The following NID2 variants were observed in gnomAD, a reference collection of about 807,000 sequenced individuals.
NID2 encodes nidogen 2.
A neutral mutation model predicts 145.4 loss-of-function variants in NID2; 83 were observed. That is an observed-to-expected ratio of 0.57 (90% confidence interval 0.48 to 0.69). NID2 has a LOEUF of 0.69. Among genes scored for constraint, NID2 ranks in the 30% least tolerant of loss-of-function variants. NID2 has a pLI of 0.00. For synonymous variants in NID2, 739 were observed against 701.3 expected (o/e 1.05, Z -0.85); for missense variants, 1,807 against 1,765.7 (o/e 1.02, Z -0.42).
intron 18 of NID2, chr14:52,008,576 A>G (rs1414404687): frequency 6.6e-6 from 1 of 152,198 alleles, no homozygotes; most frequent in Non-Finnish European, 1.5e-5. Context: ...CTGTATCACA[A>G]GGTTTTCTGA....
chr14:52,030,503 GAAAGAAAGAAAGA>G (rs1891774223), intron 9 of NID2, among the ~76,000 whole-genome samples: 2 of 57,760 alleles, frequency 3.5e-5, no homozygotes, highest in African/African-American at 1.3e-4. Context: ...GAAAGAAAGA[GAAAGAAAGAAAGA>G]AAAGAAAGAA....
Position 52,013,687 on chromosome 14 carries a change from G to T in NID2, c.3420+600C>A, listed in dbSNP as rs373152019. On this transcript the variant is annotated intron_variant, in intron 16 of 21. Transcript: ENST00000216286. ...TGCATTAGGGAGGCTGCTGGCTCAG[G>T]AAGCATCAAACATCCCCTGGGGAAG... is the stretch of plus-strand genomic sequence containing the variant. 1.2e-4 allele frequency among the ~76,000 whole-genome samples: 19 copies of T among 152,208 alleles called. No individual in the cohort carries two copies. In the East Asian group the frequency reaches 3.1e-3, roughly 25 times the overall value.
chr14:52,038,756 G>A lies in NID2; in HGVS notation c.2248C>T (p.Pro750Ser), dbSNP rs1251134528. The A allele has an allele frequency of 1.3e-6, 2 of 1,574,264 alleles. No homozygotes were observed. Among genetic ancestry groups the A allele is most frequent in the South Asian group, 2.4e-5 (2 of 84,574 alleles). Reference sequence around the variant, plus strand: ...AAAAAGGAAACCTTACCTTTGACCGGGCCAATTTGATTGGTCACAGCAAAT... The same window carrying A: ...AAAAAGGAAACCTTACCTTTGACCGAGCCAATTTGATTGGTCACAGCAAAT... ...LRFAVTNQIGPVKEDSDPTPG... is the reference protein window; with the variant it reads ...LRFAVTNQIGSVKEDSDPTPG... The change falls in exon 9 of 22, where the codon CCG (proline) becomes TCG (serine). Residue 750 changes from proline (P) to serine (S), a missense_variant. Transcript: ENST00000216286.
At chr14:52,042,506 T>C (rs1892321657) in intron 6 of NID2, among the ~76,000 whole-genome samples, 156 bp from the exon 7 acceptor site, 2 of 145,024 alleles carry the variant, frequency 1.4e-5, no homozygotes, top group South Asian at 4.5e-4. Flanking sequence ...TATGAAACAG[T>C]CCTGCCTCCA....
At chr14:52,068,687 C>T (rs1490196400) in intron 1 of NID2, 80 bp downstream of exon 1, 48 of 1,289,230 alleles carry the variant, frequency 3.7e-5, no homozygotes, top group Admixed American at 1.2e-4. Context: ...CTGTTTCCTC[C>T]CCTCTGGAGG....
Position 52,042,932 on chromosome 14 carries a change from C to G in NID2, c.1430-1G>C. The G allele has an allele frequency of 6.2e-7, 1 of 1,613,866 alleles. No individual in the cohort carries two copies. The highest frequency in any genetic ancestry group is 8.5e-7 in the Non-Finnish European group (1 of 1,179,946). On this transcript the variant is annotated splice_acceptor_variant, in intron 5 of 21. Coordinates refer to ENST00000216286, the MANE Select transcript of NID2 (RefSeq NM_007361.4). LOFTEE classifies it high-confidence loss of function. Reference sequence around the variant, plus strand: ...TTGTTGGCAGCATTATACGTGAAGACTGAAAAATAAAACAAACTTGCCTTA... The same window carrying G: ...TTGTTGGCAGCATTATACGTGAAGAGTGAAAAATAAAACAAACTTGCCTTA...
Position 52,019,252 on chromosome 14 carries a change from TG to T in NID2, c.2836del (p.His946MetfsTer156). On this transcript the variant is annotated frameshift_variant, in exon 14 of 22. Transcript: ENST00000216286. LOFTEE classifies it high-confidence loss of function. ...SLTPCEQQQR[H>X]AQAQYAYPGA... ...AGGGTAGGCATACTGGGCCTGGGCA[TG>T]GCGCTGCTGTTGTTCACAGGGTGTC... 1.9e-6 allele frequency: 3 copies of T among 1,604,786 alleles called. No homozygotes were observed. Among genetic ancestry groups the T allele is most frequent in the Non-Finnish European group, 2.6e-6 (3 of 1,172,226 alleles).
At chr14:52,066,560 A>G (rs548062726) in intron 2 of NID2, among the ~76,000 whole-genome samples, 5 of 152,266 alleles carry the variant, frequency 3.3e-5, no homozygotes, top group Admixed American at 2.0e-4. Context: ...CATCCCATGT[A>G]CCCCATAAAT....
Position 52,053,854 on chromosome 14 carries a change from G to A in NID2, c.1154C>T (p.Pro385Leu), listed in dbSNP as rs1361988185. 3 of 1,613,980 alleles carry A rather than the reference G, an allele frequency of 1.9e-6. No individual in the cohort carries two copies. Among genetic ancestry groups the A allele is most frequent in the Non-Finnish European group, 2.5e-6 (3 of 1,180,022 alleles). The change falls in exon 5 of 22, where the codon CCC becomes CTC. Residue 385 changes from proline to leucine, a missense_variant. Pro to Leu is a moderately conservative substitution (Grantham distance 98). Coordinates refer to ENST00000216286, the MANE Select transcript of NID2 (RefSeq NM_007361.4). ...GCTTCTGGTCTCTCTCTCATCCCAG[G>A]GCTCAACTTGGCCTTTTAAATCTGG... ...GGPDLKGQVEPWDERETRSPA... is the reference protein window; with the variant it reads ...GGPDLKGQVELWDERETRSPA...
chr14:52,024,180 C>A (rs1891498159), intron 12 of NID2, among the ~76,000 whole-genome samples: 1 of 152,142 alleles, frequency 6.6e-6, no homozygotes, highest in Admixed American at 6.5e-5. Flanking sequence ...TGGTAGGCAG[C>A]CTCTAAGATG....
Position 52,060,367 on chromosome 14 carries a change from A to T in NID2, c.535-11T>A. 1 of 945,264 alleles carries T rather than the reference A, an allele frequency of 1.1e-6. No individual in the cohort carries two copies. 58.6% of individuals were successfully genotyped at this position (945,264 alleles called of 1,614,324 possible). A position where few individuals can be genotyped will look rare whatever the true frequency, so the allele number is the denominator to read the frequency against. Reference sequence around the variant, plus strand: ...CTGGAAAGTGTTCAGCTGTGAGGAAAAAAAAAAAAAAAGAGAGAGAGAGAG... The same window carrying T: ...CTGGAAAGTGTTCAGCTGTGAGGAATAAAAAAAAAAAAGAGAGAGAGAGAG... On this transcript the variant is annotated splice_polypyrimidine_tract_variant and intron_variant, in intron 2 of 21. Transcript: ENST00000216286.
intron 9 of NID2, among the ~76,000 whole-genome samples, chr14:52,036,612 T>C (rs12878256): frequency 0.063 from 9,601 of 152,312 alleles, 394 homozygotes; most frequent in Middle Eastern, 0.14. Flanking sequence ...CATCATTTTA[T>C]AATCACACCA....
rs1555366291 is a variant in NID2 at position 52,060,378 on chromosome 14, A to AAAAG, written c.535-23_535-22insCTTT. 7 of 806,290 alleles carry AAAAG rather than the reference A, an allele frequency of 8.7e-6. No individual in the cohort carries two copies. In the African/African-American group the frequency reaches 9.4e-5, roughly 11 times the overall value. 49.9% of individuals were successfully genotyped at this position (806,290 alleles called of 1,614,324 possible). ...TCAGCTGTGAGGAAAAAAAAAAAAAAAGAGAGAGAGAGAGAGAGAAACATC... is the reference window on the plus strand; with the variant it reads ...TCAGCTGTGAGGAAAAAAAAAAAAAAAAAGAGAGAGAGAGAGAGAGAGAAACATC... On this transcript the variant is annotated intron_variant, in intron 2 of 21. Transcript: ENST00000216286.
chr14:52,023,395 C>T (rs1053877846), intron 12 of NID2, among the ~76,000 whole-genome samples: 2 of 151,758 alleles, frequency 1.3e-5, no homozygotes, highest in Non-Finnish European at 2.9e-5. Context: ...GCTGAGGCTG[C>T]AGTGAGCTGT....
At chr14:52,021,645 T>TCC (rs747675458) in intron 12 of NID2, among the ~76,000 whole-genome samples, 16 of 152,126 alleles carry the variant, frequency 1.1e-4, no homozygotes, top group Non-Finnish European at 1.5e-4. Context: ...CTAGGAGTCC[T>TCC]CCCCCAAAAA....
chr14:52,067,495 A>AT (rs975659934), intron 2 of NID2, among the ~76,000 whole-genome samples: 3 of 152,122 alleles, frequency 2.0e-5, no homozygotes, highest in East Asian at 1.9e-4. Context: ...GTATTTTCTG[A>AT]TTTTTTCCCC....
intron 9 of NID2, among the ~76,000 whole-genome samples, chr14:52,030,291 G>A (rs941539391): frequency 6.6e-6 from 1 of 151,962 alleles, no homozygotes; most frequent in African/African-American, 2.4e-5. Flanking sequence ...CCTTACCAAG[G>A]ATCCATCTAC....
rs66551436 is a variant in NID2, at chr14:52,030,567, A to AGAAAGAAAGAAC, written c.2258-878_2258-877insGTTCTTTCTTTC. 1.9e-3 allele frequency among the ~76,000 whole-genome samples: 190 copies of AGAAAGAAAGAAC among 99,312 alleles called. 13 individuals carry two copies. The highest frequency in any genetic ancestry group is 7.2e-3 in the East Asian group (22 of 3,060). 65.2% of individuals were successfully genotyped at this position (99,312 alleles called of 152,430 possible). A position where few individuals can be genotyped will look rare whatever the true frequency, so the allele number is the denominator to read the frequency against. On this transcript the variant is annotated intron_variant, in intron 9 of 21. Transcript: ENST00000216286. ...AAGAAAGAAAGAAAGAAAGAAAGAAAGGAAGGAAGGGAAAGAAAGAAAGAA... is the reference window on the plus strand; with the variant it reads ...AAGAAAGAAAGAAAGAAAGAAAGAAAGAAAGAAAGAACGGAAGGAAGGGAAAGAAAGAAAGAA...
Position 52,010,974 on chromosome 14 carries a change from A to G in NID2, c.3624T>C (p.Asp1208=). The part of the protein sequence containing the change: ...RTMYWTDSVL[D]KIESALLDGS... ...CATCCAGCAGGGCGCTCTCTATCTT[A>G]TCCAGGACACTGTCCGTCCAGTACA... The change falls in exon 18 of 22, where the codon GAT becomes GAC. Residue 1208 remains aspartate, a synonymous_variant. Coordinates refer to ENST00000216286, the MANE Select transcript of NID2 (RefSeq NM_007361.4). The G allele has an allele frequency of 6.2e-7, 1 of 1,614,204 alleles. No individual in the cohort carries two copies. The highest frequency in any genetic ancestry group is 8.5e-7 in the Non-Finnish European group (1 of 1,180,046).
Sources: allele counts gnomAD v4.1 joint callset (sites outside exome capture counted in the v4.1 genomes callset), GRCh38; gene constraint gnomAD v4.1.1; transcripts MANE v1.5; gene names NCBI Gene and HGNC (gene_info 2026-07-23, HGNC 2026-07-21).